Variants in LRRC4C observed in about 807,000 individuals in gnomAD.
The protein encoded by LRRC4C is leucine rich repeat containing 4C, also known as leucine-rich repeat-containing protein 4C.
A neutral mutation model predicts 33.6 loss-of-function variants in LRRC4C; 5 were observed. That is an observed-to-expected ratio of 0.15 (90% confidence interval 0.08 to 0.31). LRRC4C has a LOEUF of 0.31. Among genes scored for constraint, LRRC4C ranks in the 10% least tolerant of loss-of-function variants. LRRC4C has a pLI of 1.00. For synonymous variants in LRRC4C, 329 were observed against 302.0 expected (o/e 1.09, Z -0.93); for missense variants, 560 against 796.7 (o/e 0.70, Z 3.58).
At chr11:41,292,790 G>C (rs941123492) in intron 1 of LRRC4C, among the ~76,000 whole-genome samples, 1 of 152,064 alleles carries the variant, frequency 6.6e-6, no homozygotes. Context: ...ACAAACAGAT[G>C]TTCTTGTGAA....
intron 1 of LRRC4C, among the ~76,000 whole-genome samples, chr11:41,112,619 G>C (rs1320167652): frequency 6.6e-6 from 1 of 151,964 alleles, no homozygotes; most frequent in Admixed American, 6.6e-5. Context: ...TCTTGGAACT[G>C]ATAGGTACCC....
intron 4 of LRRC4C, among the ~76,000 whole-genome samples, chr11:40,261,379 G>A (rs1374930206): frequency 6.6e-6 from 1 of 152,066 alleles, no homozygotes; most frequent in African/African-American, 2.4e-5. Context: ...ATTTAGGTAA[G>A]GGTTATGTTT....
At chr11:41,051,935 T>A (rs1858259628) in intron 1 of LRRC4C, among the ~76,000 whole-genome samples, 1 of 152,160 alleles carries the variant, frequency 6.6e-6, no homozygotes, top group Admixed American at 6.5e-5. Context: ...GCCCATTAAA[T>A]TTTATCTTTA....
At chr11:40,491,145 C>T (rs898420971) in intron 3 of LRRC4C, among the ~76,000 whole-genome samples, 4 of 151,934 alleles carry the variant, frequency 2.6e-5, no homozygotes, top group Non-Finnish European at 4.4e-5. Flanking sequence ...ATTAGCTGGA[C>T]GTGATGGCAG....
intron 4 of LRRC4C, among the ~76,000 whole-genome samples, chr11:40,280,240 T>C (rs577506528): frequency 9.2e-4 from 140 of 152,286 alleles, no homozygotes; most frequent in Non-Finnish European, 1.8e-3. Context: ...CAGAGAGAGA[T>C]GGGACTGAAG....
chr11:40,891,746 A>T (rs1955715669), intron 2 of LRRC4C, among the ~76,000 whole-genome samples: 1 of 152,224 alleles, frequency 6.6e-6, no homozygotes, highest in Admixed American at 6.5e-5. Flanking sequence ...AAAGAAAGAC[A>T]CTAATGAATA....
chr11:40,663,725 G>C (rs1943571344), intron 2 of LRRC4C, among the ~76,000 whole-genome samples: 2 of 152,144 alleles, frequency 1.3e-5, no homozygotes, highest in Admixed American at 6.6e-5. Context: ...GTAGAAGTGA[G>C]AGAATTTCTA....
intron 4 of LRRC4C, among the ~76,000 whole-genome samples, chr11:40,256,619 T>A (rs2136221055): frequency 6.6e-6 from 1 of 152,256 alleles, no homozygotes; most frequent in South Asian, 2.1e-4. Context: ...AATCAACCCA[T>A]CAACTAACTA....
chr11:40,558,159 G>T (rs541124239), intron 3 of LRRC4C, among the ~76,000 whole-genome samples: 3 of 152,302 alleles, frequency 2.0e-5, no homozygotes, highest in African/African-American at 7.2e-5. Flanking sequence ...AGAATGGAAT[G>T]CTAACTAAAG....
At chr11:41,202,261 G>C (rs1946428884) in intron 1 of LRRC4C, among the ~76,000 whole-genome samples, 1 of 152,114 alleles carries the variant, frequency 6.6e-6, no homozygotes, top group Non-Finnish European at 1.5e-5. Context: ...AACTTTTTCT[G>C]TTTGATGCAC....
At chr11:40,981,201 G>A (rs1852496462) in intron 1 of LRRC4C, among the ~76,000 whole-genome samples, 1 of 152,098 alleles carries the variant, frequency 6.6e-6, no homozygotes, top group African/African-American at 2.4e-5. Flanking sequence ...GGATCACGAG[G>A]TCAGGAGATG....
In LRRC4C at chr11:41,434,102, G is replaced by T. The variant is rs558086919; in HGVS notation, c.-496+25329C>A. 3.2e-4 allele frequency among the ~76,000 whole-genome samples: 48 copies of T among 152,076 alleles called. 1 individual carries two copies. The highest frequency in any genetic ancestry group is 1.1e-3 in the African/African-American group (44 of 41,514). ...GTTAGACCTAGTTACCCAAGTCATG[G>T]TCCATAGATATTCAGCAGTGGCAAC... On this transcript the variant is annotated intron_variant, in intron 1 of 6. Coordinates refer to ENST00000528697, the MANE Select transcript of LRRC4C (RefSeq NM_001258419.2).
chr11:40,498,820 G>T (rs1456831017), intron 3 of LRRC4C, among the ~76,000 whole-genome samples: 1 of 152,110 alleles, frequency 6.6e-6, no homozygotes, highest in Non-Finnish European at 1.5e-5. Context: ...ATACAATGAG[G>T]TATTTGGAAC....
intron 3 of LRRC4C, among the ~76,000 whole-genome samples, chr11:40,491,601 C>T (rs908028813): frequency 7.9e-5 from 12 of 152,028 alleles, no homozygotes; most frequent in Non-Finnish European, 1.6e-4. Context: ...TGCCATACAG[C>T]TCTCTACACA....
At chr11:40,458,276 A>G (rs555303797) in intron 3 of LRRC4C, among the ~76,000 whole-genome samples, 2 of 152,222 alleles carry the variant, frequency 1.3e-5, no homozygotes, top group East Asian at 3.9e-4. Flanking sequence ...ATGAACTACT[A>G]TCATATATAC....
At chr11:40,427,030 C>A (rs1305693493) in intron 3 of LRRC4C, among the ~76,000 whole-genome samples, 3 of 152,092 alleles carry the variant, frequency 2.0e-5, no homozygotes, top group African/African-American at 7.2e-5. Flanking sequence ...TTTAGAATCA[C>A]CTTCTGAGAT....
intron 3 of LRRC4C, among the ~76,000 whole-genome samples, chr11:40,448,968 G>T (rs1951766195): frequency 6.6e-6 from 1 of 152,266 alleles, no homozygotes; most frequent in South Asian, 2.1e-4. Context: ...ATATCTCATT[G>T]TGGTTTTGAT....
chr11:41,308,345 G>A (rs1424689391), intron 1 of LRRC4C, among the ~76,000 whole-genome samples: 1 of 152,060 alleles, frequency 6.6e-6, no homozygotes, highest in African/African-American at 2.4e-5. Context: ...GAACAACACA[G>A]GGCTGACTAT....
At chr11:40,348,357 C>A (rs1474017986) in intron 3 of LRRC4C, among the ~76,000 whole-genome samples, 3 of 151,788 alleles carry the variant, frequency 2.0e-5, no homozygotes, top group Non-Finnish European at 4.4e-5. Flanking sequence ...ATTATTATTA[C>A]TGCTATTTAC....
Sources: gnomAD v4.1 joint callset for allele counts (sites outside exome capture counted in the v4.1 genomes callset) on GRCh38, gnomAD v4.1.1 for gene constraint, MANE v1.5 for transcripts, NCBI Gene and HGNC (gene_info 2026-07-23, HGNC 2026-07-21) for gene names.